The following L3MBTL3 variants were observed in gnomAD, a reference collection of about 807,000 sequenced individuals.
The protein encoded by L3MBTL3 is L3MBTL histone methyl-lysine binding protein 3, also known as lethal(3)malignant brain tumor-like protein 3.
A neutral mutation model predicts 102.3 loss-of-function variants in L3MBTL3; 27 were observed. The ratio of observed to expected loss-of-function variants is 0.26; its 90% confidence interval spans 0.19 to 0.36. The LOEUF (loss-of-function observed/expected upper bound fraction) is 0.36. Among genes scored for constraint, L3MBTL3 ranks in the 10% least tolerant of loss-of-function variants. The pLI is 1.00. For synonymous variants in L3MBTL3, 340 were observed against 320.9 expected (o/e 1.06, Z -0.64); for missense variants, 798 against 955.3 (o/e 0.84, Z 2.17).
In L3MBTL3 at chr6:130,133,337, G is replaced by C. The variant is rs556974777; in HGVS notation, c.1967-115G>C. ...CCTATTCAATAGTATAATGCTGAAAGGAACCAATGCTTTAACCACTCCCAC... is the reference window on the plus strand; with the variant it reads ...CCTATTCAATAGTATAATGCTGAAACGAACCAATGCTTTAACCACTCCCAC... On this transcript the variant is annotated intron_variant, in intron 20 of 22. Transcript: ENST00000361794. The surrounding 1 kb of genome is among the most constrained non-coding windows in gnomAD (Gnocchi z 4.9). The C allele has an allele frequency of 3.2e-6, 3 of 946,250 alleles. No individual in the cohort carries two copies. The East Asian group carries it at 7.4e-5, about 23-fold the overall frequency. 58.6% of individuals were successfully genotyped at this position (946,250 alleles called of 1,614,324 possible).
At position 130,140,200 on chromosome 6, in the gene L3MBTL3, A is replaced by C. The variant is rs994450443; in HGVS notation, c.*447A>C. ...AAACCAAATTAGTCGAAACCTGGCT[A>C]AGTTTAGCCAGTAGGACTGTTATCT... On this transcript the variant is annotated 3_prime_UTR_variant, in exon 23 of 23. Coordinates refer to ENST00000361794, the MANE Select transcript of L3MBTL3 (RefSeq NM_032438.4). 4 of 160,028 alleles carry C rather than the reference A, an allele frequency of 2.5e-5. No homozygotes were observed. The highest frequency in any genetic ancestry group is 5.5e-5 in the Non-Finnish European group (4 of 73,306). 9.9% of individuals were successfully genotyped at this position (160,028 alleles called of 1,614,324 possible). A position where few individuals can be genotyped will look rare whatever the true frequency, so the allele number is the denominator to read the frequency against.
rs372228154 is a variant in L3MBTL3 at position 130,077,500 on chromosome 6, G to T, written c.1245-1058G>T. 1.8e-4 allele frequency among the ~76,000 whole-genome samples: 28 copies of T among 152,238 alleles called. No individual in the cohort carries two copies. The East Asian group carries it at 2.7e-3, about 15-fold the overall frequency. ...AGAAGCCTTTAAGTAATAAGGAAAA[G>T]ATATTTTCTACTGAAGTAAGTTCTG... is the stretch of plus-strand genomic sequence containing the variant. On this transcript the variant is annotated intron_variant, in intron 13 of 22. Coordinates refer to ENST00000361794, the MANE Select transcript of L3MBTL3 (RefSeq NM_032438.4).
chr6:130,122,011 A>G (rs1319728835), intron 20 of L3MBTL3, among the ~76,000 whole-genome samples: 2 of 152,204 alleles, frequency 1.3e-5, no homozygotes, highest in Non-Finnish European at 2.9e-5. Context: ...ACACCATTGC[A>G]CTCTAGTCTG....
At position 130,133,812 on chromosome 6, in the gene L3MBTL3, T is replaced by C; in HGVS notation, c.2137-31T>C. On this transcript the variant is annotated intron_variant, in intron 21 of 22. Coordinates refer to ENST00000361794, the MANE Select transcript of L3MBTL3 (RefSeq NM_032438.4). This position sits in a 1 kb window ranked among gnomAD's most constrained non-coding sequence, Gnocchi z 4.9. ...GCATTTAGATTCTGACTGTGTTTTTTAACTGGGAATTTTGATATTGCTTTT... is the reference window on the plus strand; with the variant it reads ...GCATTTAGATTCTGACTGTGTTTTTCAACTGGGAATTTTGATATTGCTTTT... 6.3e-7 allele frequency: 1 copy of C among 1,589,358 alleles called. No homozygotes were observed. Among genetic ancestry groups the C allele is most frequent in the South Asian group, 1.1e-5 (1 of 90,520 alleles).
intron 18 of L3MBTL3, among the ~76,000 whole-genome samples, 162 bp downstream of exon 18, chr6:130,094,529 A>G (rs1330173400): frequency 6.6e-6 from 1 of 152,254 alleles, no homozygotes; most frequent in Non-Finnish European, 1.5e-5. Flanking sequence ...GGGAATATCT[A>G]TAGTAAAATC....
At chr6:130,055,306 G>A (rs779263375) in intron 8 of L3MBTL3, 51 bp downstream of exon 8, 2 of 1,385,986 alleles carry the variant, frequency 1.4e-6, no homozygotes, top group African/African-American at 2.9e-5. Flanking sequence ...AATTGGAAAT[G>A]GTTCACACAG....
intron 2 of L3MBTL3, among the ~76,000 whole-genome samples, chr6:130,028,669 T>C (rs952616818): frequency 6.6e-6 from 1 of 152,208 alleles, no homozygotes; most frequent in African/African-American, 2.4e-5. Flanking sequence ...TCAAAGGTGG[T>C]CTCTGTCATG....
At chr6:130,097,340 C>G (rs1194262307) in intron 18 of L3MBTL3, among the ~76,000 whole-genome samples, 2 of 152,156 alleles carry the variant, frequency 1.3e-5, no homozygotes, top group Non-Finnish European at 2.9e-5. Context: ...TACTGAGAAA[C>G]TGCATGTATC....
At chr6:130,122,789 A>G (rs1219357200) in intron 20 of L3MBTL3, among the ~76,000 whole-genome samples, 1 of 152,168 alleles carries the variant, frequency 6.6e-6, no homozygotes, top group African/African-American at 2.4e-5. Flanking sequence ...ACTACTTCCT[A>G]GCTGTGCGGC....
At position 130,059,050 on chromosome 6, in the gene L3MBTL3, T is replaced by A. The variant is rs530839895; in HGVS notation, c.760-986T>A. Among the ~76,000 whole-genome samples the A allele has an allele frequency of 2.0e-5, 3 of 149,750 alleles. No homozygotes were observed. The South Asian group carries it at 6.5e-4, about 32-fold the overall frequency. On this transcript the variant is annotated intron_variant, in intron 9 of 22. Transcript: ENST00000361794. ...CTGTAATTATTTTCTGTAGCTTTGG[T>A]CCTTTAGAGAAGAGACTTTTTCACA...
chr6:130,135,635 G>C (rs1257647499), intron 22 of L3MBTL3, among the ~76,000 whole-genome samples: 2 of 152,144 alleles, frequency 1.3e-5, no homozygotes, highest in African/African-American at 4.8e-5. Context: ...ATTCATGGCA[G>C]ATTGTCTTTG....
chr6:130,104,106 C>T (rs1027247279), intron 18 of L3MBTL3, among the ~76,000 whole-genome samples: 1 of 152,188 alleles, frequency 6.6e-6, no homozygotes, highest in Admixed American at 6.5e-5. Flanking sequence ...TGAATGATGT[C>T]TTAAGCATTT....
rs1783963040 is a variant in L3MBTL3 at position 130,090,301 on chromosome 6, G to A, written c.1519-2444G>A. On this transcript the variant is annotated intron_variant, in intron 16 of 22. Coordinates refer to ENST00000361794, the MANE Select transcript of L3MBTL3 (RefSeq NM_032438.4). ...ATGATGGGCACTGTGGTAACTTCTA[G>A]TTGTTTTCTAATACAAACAATGAGT... 5.9e-5 allele frequency among the ~76,000 whole-genome samples: 9 copies of A among 151,978 alleles called. No homozygotes were observed. In the South Asian group the frequency reaches 1.7e-3, roughly 28 times the overall value.
chr6:130,062,167 T>C (rs536495164), intron 10 of L3MBTL3, among the ~76,000 whole-genome samples: 54 of 152,306 alleles, frequency 3.5e-4, no homozygotes, highest in African/African-American at 1.2e-3. Context: ...ATAAAAGTAA[T>C]GTTTGCTCAT....
chr6:130,093,743 A>T (rs1290934405), intron 17 of L3MBTL3, among the ~76,000 whole-genome samples: 1 of 152,180 alleles, frequency 6.6e-6, no homozygotes, highest in East Asian at 1.9e-4. Flanking sequence ...ATCAAACAAA[A>T]CCGAATGTGC....
intron 8 of L3MBTL3, among the ~76,000 whole-genome samples, chr6:130,057,203 C>T (rs1429017930): frequency 6.6e-6 from 1 of 152,170 alleles, no homozygotes; most frequent in Non-Finnish European, 1.5e-5. Context: ...CATCTTCTAC[C>T]CTCCTCACTG....
rs148263906 is a variant in L3MBTL3, at chr6:130,066,286, G to GTATATATATATATATATATATA, written c.865-50_865-49insATATATATATATATATATATAT. 1.2e-3 allele frequency: 446 copies of GTATATATATATATATATATATA among 387,580 alleles called. 2 individuals carry two copies. The highest frequency in any genetic ancestry group is 2.8e-3 in the Admixed American group (51 of 18,250). 24.0% of individuals were successfully genotyped at this position (387,580 alleles called of 1,614,324 possible). A position where few individuals can be genotyped will look rare whatever the true frequency, so the allele number is the denominator to read the frequency against. On this transcript the variant is annotated intron_variant, in intron 10 of 22. Transcript: ENST00000361794. Reference sequence around the variant, plus strand: ...GCCTGGTGTCCATGTTTATTTTTGTGTATATATATATATATATGAATATTC... The same window carrying GTATATATATATATATATATATA: ...GCCTGGTGTCCATGTTTATTTTTGTGTATATATATATATATATATATATATATATATATATATATGAATATTC...
intron 19 of L3MBTL3, among the ~76,000 whole-genome samples, chr6:130,105,653 A>T (rs1250098362): frequency 6.6e-6 from 1 of 152,040 alleles, no homozygotes; most frequent in Non-Finnish European, 1.5e-5. Context: ...ACTTTAAAAC[A>T]TATAACGGTT....
intron 5 of L3MBTL3, 52 bp downstream of exon 5, chr6:130,049,882 C>G (rs773672178): frequency 1.0e-5 from 16 of 1,560,600 alleles, no homozygotes; most frequent in African/African-American, 1.4e-5. Context: ...ATTTCTTTCT[C>G]CCCTCCCCAC....
Sources: gnomAD v4.1 joint callset for allele counts (sites outside exome capture counted in the v4.1 genomes callset) on GRCh38, gnomAD v4.1.1 for gene constraint, Gnocchi (gnomAD v3.1) non-coding constraint, MANE v1.5 for transcripts, NCBI Gene and HGNC (gene_info 2026-07-23, HGNC 2026-07-21) for gene names.